The following STK32C variants were observed in gnomAD, a reference collection of about 807,000 sequenced individuals.
The protein encoded by STK32C is serine/threonine-protein kinase 32C.
Under a neutral mutation model 56.5 loss-of-function variants are expected in STK32C, and 31 were observed. The observed-to-expected ratio is 0.55, with a 90% CI of 0.41 to 0.74. The LOEUF is 0.74. STK32C is among the 30% of genes least tolerant of loss of function. The probability of loss-of-function intolerance (pLI) is 0.00; values close to 1 mark genes in which losing one functional copy is unlikely to be tolerated. For missense variants in STK32C, 544 were observed against 676.9 expected, an observed-to-expected ratio of 0.80 and a Z score of 2.18; for synonymous variants, 309 against 289.4, an observed-to-expected ratio of 1.07 and a Z score of -0.69.
rs117982652 is a variant in STK32C at position 132,290,905 on chromosome 10, C to G, written c.262+16667G>C. The stretch of plus-strand genomic sequence containing the variant: ...ATGTCCAGGGATACCCATCCAGACC[C>G]ACCACACCCAGGGCCACATCCAGGG... On this transcript the variant is annotated intron_variant, in intron 1 of 11. Transcript: ENST00000298630. 7.4e-3 allele frequency among the ~76,000 whole-genome samples: 1,124 copies of G among 152,244 alleles called. 4 individuals carry two copies. The highest frequency in any genetic ancestry group is 0.012 in the Non-Finnish European group (843 of 68,014).
chr10:132,243,177 C>T (rs1220563806), intron 2 of STK32C, among the ~76,000 whole-genome samples: 1 of 152,240 alleles, frequency 6.6e-6, no homozygotes, highest in African/African-American at 2.4e-5. Flanking sequence ...AGGAATGGGG[C>T]TGCCCCCATC....
At chr10:132,249,020 C>G (rs922763307) in intron 1 of STK32C, 1 of 468,396 alleles carries the variant, frequency 2.1e-6, no homozygotes, top group Non-Finnish European at 4.3e-6. Context: ...GTCACCTGCG[C>G]CCTGCACACC....
chr10:132,284,528 C>A (rs1202692759), intron 1 of STK32C, among the ~76,000 whole-genome samples: 1 of 152,078 alleles, frequency 6.6e-6, no homozygotes, highest in Non-Finnish European at 1.5e-5. Context: ...GCACCCATGA[C>A]ACCCACAGAG....
intron 1 of STK32C, among the ~76,000 whole-genome samples, chr10:132,295,647 G>T (rs762683682): frequency 2.0e-5 from 3 of 152,054 alleles, no homozygotes; most frequent in Non-Finnish European, 4.4e-5. Context: ...GCACTTCGGG[G>T]GGCCGAGGAG....
exon 1 of STK32C, chr10:132,331,772 C>T (rs1399276962): frequency 6.2e-7 from 1 of 1,609,342 alleles, no homozygotes; most frequent in Admixed American, 1.7e-5. Context: ...CCAGGCCGGT[C>T]GCCCCTCCAG....
intron 1 of STK32C, among the ~76,000 whole-genome samples, chr10:132,315,752 T>A (rs955123120): frequency 6.6e-6 from 1 of 152,184 alleles, no homozygotes. Flanking sequence ...CAATAACCAA[T>A]AACTGCATAT....
upstream of STK32C, chr10:132,332,008 C>G (rs2066789428): frequency 2.5e-6 from 1 of 404,886 alleles, no homozygotes; most frequent in African/African-American, 2.1e-5. Context: ...GACCCCCTGC[C>G]GCGCAGGGGC....
At chr10:132,262,651 G>T (rs887725284) in intron 1 of STK32C, among the ~76,000 whole-genome samples, 2 of 150,578 alleles carry the variant, frequency 1.3e-5, no homozygotes, top group Non-Finnish European at 2.9e-5. Context: ...AGTGGCTCAC[G>T]CCTGTAATCC....
At chr10:132,233,262 T>C (rs1055127630) in intron 2 of STK32C, among the ~76,000 whole-genome samples, 17 of 151,406 alleles carry the variant, frequency 1.1e-4, no homozygotes, top group African/African-American at 4.1e-4. Flanking sequence ...GGCAGAGGGG[T>C]CCCCCAGGCA....
At chr10:132,296,494 T>C (rs554036685) in intron 1 of STK32C, among the ~76,000 whole-genome samples, 1 of 152,248 alleles carries the variant, frequency 6.6e-6, no homozygotes, top group Admixed American at 6.5e-5. Context: ...TCACAACTTT[T>C]CTATAAATCT....
rs139402400 is a variant in STK32C, at chr10:132,227,262, T to C, written c.471-294A>G. Among the ~76,000 whole-genome samples, 491 of 152,356 alleles carry C rather than the reference T, an allele frequency of 3.2e-3. 5 individuals are homozygous for C. The highest frequency in any genetic ancestry group is 6.1e-3 in the Non-Finnish European group (417 of 68,046). On this transcript the variant is annotated intron_variant, in intron 3 of 11. Coordinates refer to ENST00000298630, the MANE Select transcript of STK32C (RefSeq NM_173575.4). ...GAGCTACAGTGCCAGCTCCGGGTGCTTCAGGCTGCCCGGCCTCCTCTTCGG... is the reference window on the plus strand; with the variant it reads ...GAGCTACAGTGCCAGCTCCGGGTGCCTCAGGCTGCCCGGCCTCCTCTTCGG...
intron 1 of STK32C, among the ~76,000 whole-genome samples, chr10:132,313,404 A>T (rs1477716419): frequency 6.6e-6 from 1 of 152,220 alleles, no homozygotes; most frequent in Non-Finnish European, 1.5e-5. Flanking sequence ...CACGACAGAC[A>T]TTTGCCAAGC....
At chr10:132,292,727 G>A (rs2065607304) in intron 1 of STK32C, among the ~76,000 whole-genome samples, 1 of 151,982 alleles carries the variant, frequency 6.6e-6, no homozygotes, top group Admixed American at 6.5e-5. Flanking sequence ...TGGAATTATC[G>A]AAAAAAAGAC....
intron 1 of STK32C, among the ~76,000 whole-genome samples, chr10:132,296,668 G>C (rs935126528): frequency 5.9e-5 from 9 of 152,186 alleles, no homozygotes; most frequent in Non-Finnish European, 1.2e-4. Flanking sequence ...ATAATAAAAA[G>C]CTATAAAGGA....
intron 2 of STK32C, among the ~76,000 whole-genome samples, chr10:132,236,221 C>A (rs553193049): frequency 6.6e-6 from 1 of 152,232 alleles, no homozygotes; most frequent in Non-Finnish European, 1.5e-5. Flanking sequence ...GCAGAGCCTG[C>A]GCACGGCCTG....
intron 1 of STK32C, among the ~76,000 whole-genome samples, chr10:132,288,794 G>C (rs1199136742): frequency 6.6e-6 from 1 of 152,140 alleles, no homozygotes; most frequent in East Asian, 1.9e-4. Flanking sequence ...CATGCTGAGA[G>C]AAATTAAAGA....
chr10:132,249,706 G>GC (rs2063829952), intron 1 of STK32C, among the ~76,000 whole-genome samples: 1 of 152,166 alleles, frequency 6.6e-6, no homozygotes, highest in Non-Finnish European at 1.5e-5. Context: ...ACTGTGCACA[G>GC]CGGCCCTCAT....
chr10:132,304,496 C>T (rs2492651), intron 1 of STK32C, among the ~76,000 whole-genome samples: 126,690 of 152,154 alleles, frequency 0.83, 53,460 homozygotes, highest in African/African-American at 0.96. Context: ...GGCAACATAT[C>T]GCTGAATCAA....
At chr10:132,325,603 C>T (rs189933295) in intron 1 of STK32C, among the ~76,000 whole-genome samples, 2 of 152,068 alleles carry the variant, frequency 1.3e-5, no homozygotes, top group East Asian at 1.9e-4. Flanking sequence ...TGCTGCCATC[C>T]GGGTAAGACG....
Sources: allele counts gnomAD v4.1 joint callset (sites outside exome capture counted in the v4.1 genomes callset), GRCh38; gene constraint gnomAD v4.1.1; transcripts MANE v1.5; gene names NCBI Gene and HGNC (gene_info 2026-07-23, HGNC 2026-07-21).